Variants in FBXO10 observed in about 807,000 individuals in gnomAD.
FBXO10 encodes F-box protein 10.
In FBXO10, 39 loss-of-function variants were observed where a neutral mutation model predicts 80.7. That is an observed-to-expected ratio of 0.48 (90% CI 0.37 to 0.63). The LOEUF (loss-of-function observed/expected upper bound fraction) is 0.63, where lower values mean the gene tolerates loss of function less well. Ranked by LOEUF, FBXO10 falls within the 30% of genes least tolerant of loss-of-function variation. The pLI is 0.00. For synonymous variants in FBXO10, 449 were observed against 489.6 expected, an observed-to-expected ratio of 0.92 and a Z score of 1.09; for missense variants, 1,025 against 1,269.0, an observed-to-expected ratio of 0.81 and a Z score of 2.92.
chr9:37,529,108 A>G lies in FBXO10; in HGVS notation c.1706+16T>C. On this transcript the variant is annotated intron_variant, in intron 5 of 10. Coordinates refer to ENST00000432825, the MANE Select transcript of FBXO10 (RefSeq NM_012166.3). ...GGAGGTTAACAAAGATGAAGGAGGG[A>G]AACAGCAGCACACACCTCACAACGG... 1.9e-6 allele frequency: 3 copies of G among 1,613,612 alleles called. No homozygotes were observed. Among genetic ancestry groups the G allele is most frequent in the Non-Finnish European group, 2.5e-6 (3 of 1,179,722 alleles).
Position 37,537,297 on chromosome 9 carries a change from T to G in FBXO10, c.1232A>C (p.Gln411Pro). The G allele has an allele frequency of 6.2e-7, 1 of 1,613,106 alleles. No individual in the cohort carries two copies. The highest frequency in any genetic ancestry group is 8.5e-7 in the Non-Finnish European group (1 of 1,179,488). Residue 411 changes from glutamine (Q) to proline (P), a missense_variant, in exon 3 of 11, where the codon CAG becomes CCG. Coordinates refer to ENST00000432825, the MANE Select transcript of FBXO10 (RefSeq NM_012166.3). The stretch of plus-strand genomic sequence containing the variant: ...CTCCTTATCCTTCTGCAGCTCCTGC[T>G]GCAGTGAGTTCAGCACTAGGCAGCT... ...LPSCLVLNSL[Q>P]QELQKDKEAM... is the part of the protein sequence containing the mutation.
rs565534291 is a variant in FBXO10 at position 37,565,438 on chromosome 9, C to T, written c.-7+10773G>A. On this transcript the variant is annotated intron_variant, in intron 1 of 10. Transcript: ENST00000432825. ...ACTCAGTACTGCTATTTGAGGGGCA[C>T]AATATTAAGTGCTTTTCATGCATTA... is the stretch of plus-strand genomic sequence containing the variant. 9.9e-5 allele frequency among the ~76,000 whole-genome samples: 15 copies of T among 152,250 alleles called. No homozygotes were observed. The South Asian group carries it at 3.1e-3, about 32-fold the overall frequency.
At chr9:37,523,766 A>G (rs1182858326) in intron 6 of FBXO10, among the ~76,000 whole-genome samples, 5 of 152,104 alleles carry the variant, frequency 3.3e-5, no homozygotes, top group Non-Finnish European at 7.4e-5. Context: ...TACTAAAAAT[A>G]CAAAATTGGG....
At chr9:37,535,768 G>A (rs1428743782) in intron 3 of FBXO10, among the ~76,000 whole-genome samples, 10 of 152,164 alleles carry the variant, frequency 6.6e-5, no homozygotes, top group South Asian at 2.1e-4. Context: ...GGGGGAGCAA[G>A]GATCAAGGCC....
chr9:37,572,168 G>A lies in FBXO10; in HGVS notation c.-7+4043C>T, dbSNP rs80041972. On this transcript the variant is annotated intron_variant, in intron 1 of 10. Transcript: ENST00000432825. ...GTGCTCAACCTCAAGAGTAACCAAGGAGAGCAAGTTAAAACCACAAGAAAT... is the reference window on the plus strand; with the variant it reads ...GTGCTCAACCTCAAGAGTAACCAAGAAGAGCAAGTTAAAACCACAAGAAAT... 2.0e-5 allele frequency among the ~76,000 whole-genome samples: 3 copies of A among 152,102 alleles called. No homozygotes were observed. In the East Asian group the frequency reaches 5.8e-4, roughly 29 times the overall value.
At chr9:37,543,700 T>G (rs1221283140) in intron 1 of FBXO10, among the ~76,000 whole-genome samples, 1 of 152,210 alleles carries the variant, frequency 6.6e-6, no homozygotes, top group East Asian at 1.9e-4. Context: ...GTAAGCTGGC[T>G]TCATTTACTT....
chr9:37,559,592 T>G (rs1822425332), intron 1 of FBXO10, among the ~76,000 whole-genome samples: 1 of 152,246 alleles, frequency 6.6e-6, no homozygotes, highest in South Asian at 2.1e-4. Flanking sequence ...TTTTCTTTCC[T>G]TCTGGGCACA....
At chr9:37,520,780 G>A (rs1323170144) in intron 8 of FBXO10, among the ~76,000 whole-genome samples, 1 of 152,148 alleles carries the variant, frequency 6.6e-6, no homozygotes, top group Non-Finnish European at 1.5e-5. Context: ...GGGAGATGTT[G>A]AATTTTGAGA....
chr9:37,574,527 G>A (rs1449997185), intron 1 of FBXO10, among the ~76,000 whole-genome samples: 8 of 152,150 alleles, frequency 5.3e-5, no homozygotes, highest in Non-Finnish European at 1.2e-4. Context: ...AGAAATCCAA[G>A]TGCTCCAGGG....
chr9:37,562,456 G>A (rs947190053), intron 1 of FBXO10, among the ~76,000 whole-genome samples: 1 of 152,200 alleles, frequency 6.6e-6, no homozygotes, highest in Admixed American at 6.5e-5. Context: ...TGTGGACCCA[G>A]AGCGCCAGGT....
intron 1 of FBXO10, among the ~76,000 whole-genome samples, chr9:37,565,502 A>C (rs368466006): frequency 1.3e-5 from 2 of 152,284 alleles, no homozygotes; most frequent in East Asian, 3.9e-4. Context: ...AAGCCTTACA[A>C]CTCAAAATGT....
At chr9:37,532,487 G>A (rs1311299461) in intron 3 of FBXO10, among the ~76,000 whole-genome samples, 2 of 151,866 alleles carry the variant, frequency 1.3e-5, no homozygotes, top group African/African-American at 4.8e-5. Flanking sequence ...TACTATGGAT[G>A]TGGGCTGGAG....
chr9:37,553,954 A>G (rs1472504257), intron 1 of FBXO10, among the ~76,000 whole-genome samples: 2 of 151,762 alleles, frequency 1.3e-5, no homozygotes, highest in Non-Finnish European at 2.9e-5. Flanking sequence ...GAAAGAAAGA[A>G]TAGAGATCCT....
intron 5 of FBXO10, among the ~76,000 whole-genome samples, chr9:37,526,880 C>T (rs939776291): frequency 1.9e-4 from 28 of 150,956 alleles, no homozygotes; most frequent in African/African-American, 4.9e-4. Flanking sequence ...AATGGAGTCT[C>T]GCTCTTGTCA....
At chr9:37,542,584 G>A (rs1406706182) in intron 1 of FBXO10, among the ~76,000 whole-genome samples, 5 of 110,752 alleles carry the variant, frequency 4.5e-5, no homozygotes, top group African/African-American at 7.5e-5. Context: ...CAACAAGAGC[G>A]AATCTCCATC....
At chr9:37,518,530 G>GTTCTCCC in intron 8 of FBXO10, 92 bp from the exon 9 acceptor site, 5 of 1,102,382 alleles carry the variant, frequency 4.5e-6, no homozygotes, top group Non-Finnish European at 5.1e-6. Context: ...TGTGCACTCC[G>GTTCTCCC]GGAGAACGGA....
chr9:37,522,373 A>G, intron 7 of FBXO10: 1 of 1,001,438 alleles, frequency 1.0e-6, no homozygotes, highest in Non-Finnish European at 1.2e-6. Flanking sequence ...TATTATTATC[A>G]CTGTATTATT....
rs1821345926 is a variant in FBXO10, at chr9:37,521,568, C to G, written c.2200+1G>C. The stretch of plus-strand genomic sequence containing the variant: ...AGCAGGGGCTGAGGGGGTATACTCA[C>G]CTCCATTGTGATTAATACTGTTAGA... On this transcript the variant is annotated splice_donor_variant, in intron 8 of 10. Transcript: ENST00000432825. LOFTEE classifies it high-confidence loss of function. The G allele has an allele frequency of 6.2e-7, 1 of 1,603,450 alleles. No individual in the cohort carries two copies. Among genetic ancestry groups the G allele is most frequent in the Admixed American group, 1.7e-5 (1 of 59,572 alleles).
intron 10 of FBXO10, among the ~76,000 whole-genome samples, chr9:37,514,789 G>C: frequency 6.6e-6 from 1 of 152,096 alleles, no homozygotes; most frequent in Non-Finnish European, 1.5e-5. Flanking sequence ...AGCCAAGATC[G>C]CACCACTGCA....
Sources: gnomAD v4.1 joint callset for allele counts (sites outside exome capture counted in the v4.1 genomes callset) on GRCh38, gnomAD v4.1.1 for gene constraint, MANE v1.5 for transcripts, NCBI Gene and HGNC (gene_info 2026-07-23, HGNC 2026-07-21) for gene names.